The following SEC31B variants were observed in gnomAD, a reference collection of about 807,000 sequenced individuals.
The protein encoded by SEC31B is protein transport protein Sec31B.
SEC31B carries 113 observed loss-of-function variants against 135.0 expected under a neutral mutation model. The ratio of observed to expected loss-of-function variants is 0.84; its 90% CI spans 0.72 to 0.98. The LOEUF is 0.98. Among genes scored for constraint, SEC31B ranks in the 50% least tolerant of loss-of-function variants. The pLI is 0.00. For missense variants in SEC31B, 1,296 were observed against 1,421.1 expected (o/e 0.91, Z 1.42); for synonymous variants, 508 against 549.4 (o/e 0.92, Z 1.05).
At chr10:100,501,455 A>G (rs1321882179) in intron 11 of SEC31B, among the ~76,000 whole-genome samples, 1 of 152,126 alleles carries the variant, frequency 6.6e-6, no homozygotes, top group East Asian at 1.9e-4. Context: ...CTCTGGCTTC[A>G]CTGTATAGTC....
chr10:100,495,471 A>G lies in SEC31B; in HGVS notation c.2386T>C (p.Phe796Leu). 6.2e-7 allele frequency: 1 copy of G among 1,613,922 alleles called. No homozygotes were observed. The highest frequency in any genetic ancestry group is 1.7e-4 in the Middle Eastern group (1 of 6,058). The change falls in exon 19 of 26, where the codon TTC becomes CTC. Residue 796 changes from phenylalanine (F) to leucine (L), a missense_variant. By Grantham distance (22) the Phe-to-Leu change is conservative. Coordinates refer to ENST00000370345, the MANE Select transcript of SEC31B (RefSeq NM_015490.4). The stretch of plus-strand genomic sequence containing the variant: ...CCCACAACAATCCGGGGGAAGGGGA[A>G]AGGGGGAGACTGTTGGCCCAAGACA... Reference protein sequence around the residue: ...SAVLGQQSPPFPFPRIVVGAT... With the variant: ...SAVLGQQSPPLPFPRIVVGAT...
chr10:100,512,303 C>T (rs1005600530), intron 3 of SEC31B, among the ~76,000 whole-genome samples: 1 of 152,194 alleles, frequency 6.6e-6, no homozygotes, highest in African/African-American at 2.4e-5. Context: ...CAGCAGACCA[C>T]ACATTGATCT....
intron 11 of SEC31B, 35 bp from the exon 12 acceptor site, chr10:100,499,633 AAATG>A (rs1161268894): frequency 1.4e-6 from 2 of 1,421,012 alleles, no homozygotes; most frequent in African/African-American, 2.9e-5. Context: ...AGATTCCATT[AAATG>A]AACATAAATG....
chr10:100,490,121 A>T lies in SEC31B; in HGVS notation c.2852T>A (p.Val951Asp). 1 of 1,588,822 alleles carries T rather than the reference A, an allele frequency of 6.3e-7. No homozygotes were observed. Among genetic ancestry groups the T allele is most frequent in the Non-Finnish European group, 8.6e-7 (1 of 1,168,586 alleles). Residue 951 changes from valine (V) to aspartate (D), a missense_variant, in exon 21 of 26, where the codon GTC becomes GAC. Val to Asp is a radical substitution (Grantham distance 152). Coordinates refer to ENST00000370345, the MANE Select transcript of SEC31B (RefSeq NM_015490.4). ...PLRPLGPGRMVSHTPAPPASF... is the reference protein window; with the variant it reads ...PLRPLGPGRMDSHTPAPPASF... ...TGCAGGAGGGGCTGGGGTGTGGGAGACCATGCGGCCGGGACCTAGTGGTCT... is the reference window on the plus strand; with the variant it reads ...TGCAGGAGGGGCTGGGGTGTGGGAGTCCATGCGGCCGGGACCTAGTGGTCT...
At chr10:100,488,147 A>G in intron 24 of SEC31B, 49 bp from the exon 25 acceptor site, 1 of 1,501,976 alleles carries the variant, frequency 6.7e-7, no homozygotes, top group East Asian at 2.3e-5. Flanking sequence ...GTCTAACACC[A>G]CACAGGGCCA....
intron 11 of SEC31B, 97 bp from the exon 12 acceptor site, chr10:100,499,695 T>C: frequency 3.5e-6 from 3 of 845,452 alleles, no homozygotes; most frequent in Non-Finnish European, 5.7e-6. Context: ...ATACCCAATA[T>C]AGTTCTTTGT....
chr10:100,515,108 T>A (rs1338762680), intron 3 of SEC31B, among the ~76,000 whole-genome samples: 1 of 150,812 alleles, frequency 6.6e-6, no homozygotes, highest in Non-Finnish European at 1.5e-5. Flanking sequence ...CTGGGCAACA[T>A]GGCAAAACCC....
At chr10:100,488,585 C>T (rs1471728417) in intron 24 of SEC31B, among the ~76,000 whole-genome samples, 2 of 152,044 alleles carry the variant, frequency 1.3e-5, no homozygotes, top group Admixed American at 6.5e-5. Context: ...AGGGGAATGG[C>T]AGACTTCCTC....
intron 21 of SEC31B, 103 bp from the exon 22 acceptor site, chr10:100,489,864 C>T (rs544439422): frequency 1.3e-6 from 2 of 1,576,128 alleles, no homozygotes; most frequent in Non-Finnish European, 1.7e-6. Flanking sequence ...TTCACCATAC[C>T]TCCCTCTGCA....
At position 100,487,588 on chromosome 10, in the gene SEC31B, G is replaced by A. The variant is rs1851203631; in HGVS notation, c.*28C>T. 1 of 1,594,534 alleles carries A rather than the reference G, an allele frequency of 6.3e-7. No homozygotes were observed. The highest frequency in any genetic ancestry group is 8.6e-7 in the Non-Finnish European group (1 of 1,166,838). ...GGAGGAGTTATGTAACAGCAGAAGT[G>A]GCCTCCTAGCAAGAGAGGCTGCCTG... On this transcript the variant is annotated 3_prime_UTR_variant, in exon 26 of 26. Transcript: ENST00000370345.
At position 100,509,531 on chromosome 10, in the gene SEC31B, G is replaced by A. The variant is rs766770398; in HGVS notation, c.204-20C>T. The stretch of plus-strand genomic sequence containing the variant: ...TGAAACCTATAAAGAGGAGGAACTG[G>A]CATCAGTACAAACTTAGGTTCATGT... On this transcript the variant is annotated intron_variant, in intron 3 of 25. Transcript: ENST00000370345. The A allele has an allele frequency of 3.6e-5, 57 of 1,586,162 alleles. No homozygotes were observed. Among genetic ancestry groups the A allele is most frequent in the Non-Finnish European group, 4.6e-5 (54 of 1,163,552 alleles).
At chr10:100,490,907 C>G in intron 19 of SEC31B, 24 bp from the exon 20 acceptor site, 1 of 1,385,778 alleles carries the variant, frequency 7.2e-7, no homozygotes, top group Non-Finnish European at 9.5e-7. Flanking sequence ...AAAACATCAG[C>G]TCTTGGAAAG....
At chr10:100,508,608 C>T in intron 5 of SEC31B, 1 of 416,544 alleles carries the variant, frequency 2.4e-6, no homozygotes, top group South Asian at 1.8e-5. Flanking sequence ...ACAAAGCTGA[C>T]CCCCCCCTCC....
At chr10:100,504,287 C>T (rs1035870600) in intron 10 of SEC31B, among the ~76,000 whole-genome samples, 1 of 152,160 alleles carries the variant, frequency 6.6e-6, no homozygotes. Flanking sequence ...GTCTTGCCTC[C>T]CCAGTAAAAC....
At position 100,505,349 on chromosome 10, in the gene SEC31B, CACTACACTT is replaced by C; in HGVS notation, c.1179+3_1179+11del. On this transcript the variant is annotated splice_donor_5th_base_variant and intron_variant, in intron 10 of 25. Coordinates refer to ENST00000370345, the MANE Select transcript of SEC31B (RefSeq NM_015490.4). ...ACAAACACACACACACCTATACATC[CACTACACTT>C]ACAGCAAATGAAACACCTGTTGGTC... The C allele has an allele frequency of 6.2e-7, 1 of 1,613,186 alleles. No individual in the cohort carries two copies. The highest frequency in any genetic ancestry group is 2.2e-5 in the East Asian group (1 of 44,804).
At position 100,495,560 on chromosome 10, in the gene SEC31B, T is replaced by C. The variant is rs776722292; in HGVS notation, c.2311-14A>G. 4 of 1,608,504 alleles carry C rather than the reference T, an allele frequency of 2.5e-6. No individual in the cohort carries two copies. Among genetic ancestry groups the C allele is most frequent in the South Asian group, 1.1e-5 (1 of 89,720 alleles). ...CTGAACTGGTGGCTATAAGTTTTAA[T>C]GAGGAAGAGCTGTGTCAAGAAATTA... On this transcript the variant is annotated splice_polypyrimidine_tract_variant and intron_variant, in intron 18 of 25. Coordinates refer to ENST00000370345, the MANE Select transcript of SEC31B (RefSeq NM_015490.4).
At chr10:100,514,232 G>A (rs1275096356) in intron 3 of SEC31B, among the ~76,000 whole-genome samples, 1 of 152,022 alleles carries the variant, frequency 6.6e-6, no homozygotes, top group Non-Finnish European at 1.5e-5. Context: ...TGCCCACATG[G>A]ATCTCAAAAT....
In SEC31B at chr10:100,499,073, C is replaced by A. The variant is rs113232920; in HGVS notation, c.1584+87G>T. Reference sequence around the variant, plus strand: ...ACAGACGCTAAACACTTACAGACAGCAAAGAAAAGGGCCAGGAAGGGAAAG... The same window carrying A: ...ACAGACGCTAAACACTTACAGACAGAAAAGAAAAGGGCCAGGAAGGGAAAG... On this transcript the variant is annotated intron_variant, in intron 13 of 25. Transcript: ENST00000370345. The A allele has an allele frequency of 1.8e-5, 19 of 1,079,208 alleles. 1 individual carries two copies. The highest frequency in any genetic ancestry group is 1.6e-4 in the African/African-American group (10 of 64,422). The allele number at this position is 1,079,208 out of a possible 1,614,324, so 66.9% of individuals were successfully genotyped here.
rs138360654 is a variant in SEC31B, at chr10:100,490,849, G to T, written c.2507C>A (p.Thr836Asn). The change falls in exon 20 of 26, where the codon ACC becomes AAC. Residue 836 changes from threonine (T) to asparagine (N), a missense_variant. Thr to Asn is a moderately conservative substitution (Grantham distance 65). Coordinates refer to ENST00000370345, the MANE Select transcript of SEC31B (RefSeq NM_015490.4). Reference sequence around the variant, plus strand: ...GGGCATCGCTGGTGATGACTGAGGGGTGAAAACCCTTGGCCTTGGAGATGG... The same window carrying T: ...GGGCATCGCTGGTGATGACTGAGGGTTGAAAACCCTTGGCCTTGGAGATGG... ...PTPSPRPRVF[T>N]PQSSPAMPLA... is the part of the protein sequence containing the mutation. 3.8e-4 allele frequency: 592 copies of T among 1,570,018 alleles called. No individual in the cohort carries two copies. The highest frequency in any genetic ancestry group is 6.9e-4 in the Admixed American group (40 of 58,300).
Sources: gnomAD v4.1 joint callset for allele counts (sites outside exome capture counted in the v4.1 genomes callset) on GRCh38, gnomAD v4.1.1 for gene constraint, MANE v1.5 for transcripts, NCBI Gene and HGNC (gene_info 2026-07-23, HGNC 2026-07-21) for gene names.